ANKS1B: variants seen among roughly 807,000 people sequenced by gnomAD.
ANKS1B encodes the protein ankyrin repeat and sterile alpha motif domain-containing protein 1B.
Under a neutral mutation model 148.3 loss-of-function variants are expected in ANKS1B, and 36 were observed. That is an observed-to-expected ratio of 0.24 (90% CI 0.19 to 0.32). The LOEUF (loss-of-function observed/expected upper bound fraction) is 0.32. Ranked by LOEUF, ANKS1B falls within the 10% of genes least tolerant of loss-of-function variation. The pLI is 1.00. For synonymous variants in ANKS1B, 542 were observed against 560.8 expected (o/e 0.97, Z 0.47); for missense variants, 1,157 against 1,542.6 (o/e 0.75, Z 4.19).
intron 1 of ANKS1B, among the ~76,000 whole-genome samples, chr12:99,914,963 CA>C (rs1385129539): frequency 6.6e-6 from 1 of 152,100 alleles, no homozygotes; most frequent in Non-Finnish European, 1.5e-5. Flanking sequence ...CAGTGGCTCA[CA>C]CCTGTAATCC....
chr12:99,603,630 A>G (rs2097824844), intron 9 of ANKS1B, among the ~76,000 whole-genome samples: 1 of 152,136 alleles, frequency 6.6e-6, no homozygotes, highest in Non-Finnish European at 1.5e-5. Context: ...ATAAAATAAG[A>G]ATCCTTACAA....
chr12:99,764,078 T>C (rs999253126), intron 8 of ANKS1B, among the ~76,000 whole-genome samples: 20 of 152,244 alleles, frequency 1.3e-4, no homozygotes, highest in Admixed American at 1.3e-3. Context: ...TTTTCTCATA[T>C]GCCTACACCG....
At chr12:98,981,962 T>C (rs1252375896) in intron 17 of ANKS1B, among the ~76,000 whole-genome samples, 1 of 152,214 alleles carries the variant, frequency 6.6e-6, no homozygotes, top group Admixed American at 6.5e-5. Context: ...CAACCATTAA[T>C]TAAATGGCTA....
At chr12:99,810,807 T>A (rs761957939) in intron 3 of ANKS1B, among the ~76,000 whole-genome samples, 41 of 151,978 alleles carry the variant, frequency 2.7e-4, no homozygotes, top group Non-Finnish European at 4.1e-4. Context: ...ACTAACATCC[T>A]CTTGTTTAAC....
intron 12 of ANKS1B, among the ~76,000 whole-genome samples, chr12:99,386,860 A>G (rs981016265): frequency 6.6e-6 from 1 of 152,226 alleles, no homozygotes; most frequent in Admixed American, 6.5e-5. Context: ...GAAGAAAGCA[A>G]TGTAGTTCAG....
chr12:99,967,723 A>G (rs1410564765), intron 1 of ANKS1B, among the ~76,000 whole-genome samples: 1 of 151,796 alleles, frequency 6.6e-6, no homozygotes, highest in South Asian at 2.1e-4. Flanking sequence ...CTTGGCCAAC[A>G]TGGTGAAACG....
intron 12 of ANKS1B, among the ~76,000 whole-genome samples, chr12:99,327,714 A>G (rs2086755742): frequency 6.6e-6 from 1 of 150,400 alleles, no homozygotes; most frequent in Non-Finnish European, 1.5e-5. Flanking sequence ...CAAAAGTTGT[A>G]TATATTTATA....
At chr12:99,444,951 C>T (rs2095613040) in intron 10 of ANKS1B, among the ~76,000 whole-genome samples, 1 of 151,942 alleles carries the variant, frequency 6.6e-6, no homozygotes, top group Non-Finnish European at 1.5e-5. Flanking sequence ...CTCTACCTAC[C>T]ATATAAAAAT....
At chr12:99,468,848 C>T (rs374396365) in intron 10 of ANKS1B, among the ~76,000 whole-genome samples, 20 of 151,938 alleles carry the variant, frequency 1.3e-4, no homozygotes, top group Middle Eastern at 3.4e-3. Flanking sequence ...GGTGGGACTG[C>T]AAACTAGTTC....
At chr12:99,195,883 C>T (rs754659446) in intron 14 of ANKS1B, among the ~76,000 whole-genome samples, 22 of 151,654 alleles carry the variant, frequency 1.5e-4, no homozygotes, top group Non-Finnish European at 1.9e-4. Context: ...AAATTTAAGG[C>T]GCAAGAAAAT....
intron 15 of ANKS1B, among the ~76,000 whole-genome samples, chr12:99,137,573 T>C (rs188722305): frequency 2.6e-5 from 4 of 152,238 alleles, no homozygotes; most frequent in East Asian, 1.9e-4. Flanking sequence ...GAGATCTGAG[T>C]TGGCGCAGAA....
intron 1 of ANKS1B, among the ~76,000 whole-genome samples, chr12:99,892,249 C>T (rs905455569): frequency 1.6e-4 from 25 of 151,926 alleles, no homozygotes; most frequent in Non-Finnish European, 3.4e-4. Context: ...GTGATCTGCC[C>T]ACCTCTGCCT....
chr12:99,317,895 A>T (rs2154029611), intron 12 of ANKS1B, among the ~76,000 whole-genome samples: 1 of 152,312 alleles, frequency 6.6e-6, no homozygotes, highest in Non-Finnish European at 1.5e-5. Context: ...ATTTTGTCAA[A>T]GGCCTTTTCT....
intron 12 of ANKS1B, among the ~76,000 whole-genome samples, chr12:99,372,659 C>T (rs945932103): frequency 6.6e-6 from 1 of 152,036 alleles, no homozygotes; most frequent in African/African-American, 2.4e-5. Context: ...CACTTCCTCC[C>T]CTAGTTTTAT....
chr12:98,770,192 C>A (rs1481221221), intron 25 of ANKS1B, among the ~76,000 whole-genome samples: 1 of 152,214 alleles, frequency 6.6e-6, no homozygotes, highest in Non-Finnish European at 1.5e-5. Context: ...TCTCTGTTCT[C>A]TAGCTATGAA....
intron 12 of ANKS1B, among the ~76,000 whole-genome samples, chr12:99,370,372 C>A (rs556309265): frequency 6.6e-6 from 1 of 152,204 alleles, no homozygotes; most frequent in African/African-American, 2.4e-5. Context: ...ATGATGGGTA[C>A]AGCACCAAGA....
At chr12:99,003,858 T>A (rs1371330886) in intron 17 of ANKS1B, among the ~76,000 whole-genome samples, 1 of 152,160 alleles carries the variant, frequency 6.6e-6, no homozygotes, top group Non-Finnish European at 1.5e-5. Flanking sequence ...CTTGTTGCCT[T>A]CCATTATAGA....
At chr12:99,606,105 A>G (rs1419402055) in intron 9 of ANKS1B, among the ~76,000 whole-genome samples, 2 of 151,940 alleles carry the variant, frequency 1.3e-5, no homozygotes, top group Non-Finnish European at 2.9e-5. Flanking sequence ...GCATTTTTCC[A>G]TATACTTCTT....
At chr12:99,129,651 C>T (rs1162525804) in intron 15 of ANKS1B, among the ~76,000 whole-genome samples, 1 of 152,178 alleles carries the variant, frequency 6.6e-6, no homozygotes, top group Admixed American at 6.5e-5. Context: ...CTCCACCTTG[C>T]TGTCAGTCTA....
Sources: gnomAD v4.1 joint callset for allele counts (sites outside exome capture counted in the v4.1 genomes callset) on GRCh38, gnomAD v4.1.1 for gene constraint, MANE v1.5 for transcripts, NCBI Gene and HGNC (gene_info 2026-07-23, HGNC 2026-07-21) for gene names.